The following AMMECR1 variants were observed in gnomAD, a reference collection of about 807,000 sequenced individuals.
AMMECR1 encodes AMMECR nuclear protein 1.
Under a neutral mutation model 22.5 loss-of-function variants are expected in AMMECR1, and 3 were observed. The ratio of observed to expected loss-of-function variants is 0.13; its 90% CI spans 0.06 to 0.35. AMMECR1 has a LOEUF of 0.35. Ranked by LOEUF, AMMECR1 falls within the 10% of genes least tolerant of loss-of-function variation. The pLI is 1.00. For synonymous variants in AMMECR1, 130 were observed against 116.7 expected, an observed-to-expected ratio of 1.11 and a Z score of -0.74; for missense variants, 235 against 278.7, an observed-to-expected ratio of 0.84 and a Z score of 1.12.
intron 1 of AMMECR1, among the ~76,000 whole-genome samples, chrX:110,270,383 G>C (rs1198789140): frequency 9.0e-6 from 1 of 111,652 alleles, no homozygotes; most frequent in Non-Finnish European, 1.9e-5. Context: ...AACAAAAAGA[G>C]ATCCAGGCAG....
chrX:110,339,416 A>C (rs1289317877), intron 2 of AMMECR1, among the ~76,000 whole-genome samples: 43 of 108,628 alleles, frequency 4.0e-4, no homozygotes, highest in Non-Finnish European at 6.3e-4. Flanking sequence ...AAAAAAAAAA[A>C]AAAAAAAAAC....
chrX:110,307,655 T>TA (rs1429620699), intron 1 of AMMECR1, among the ~76,000 whole-genome samples: 1 of 110,650 alleles, frequency 9.0e-6, no homozygotes, highest in Non-Finnish European at 1.9e-5. Context: ...TAAGTAAGGA[T>TA]AATTACAGGA....
At chrX:110,229,417 A>G (rs1412545714) in intron 2 of AMMECR1, among the ~76,000 whole-genome samples, 2 of 112,447 alleles carry the variant, frequency 1.8e-5, no homozygotes, top group Non-Finnish European at 3.7e-5. Context: ...AAAAGCTTCA[A>G]AATGTGCTGC....
At chrX:110,275,491 T>C (rs962768457) in intron 1 of AMMECR1, among the ~76,000 whole-genome samples, 11 of 111,017 alleles carry the variant, frequency 9.9e-5, no homozygotes, top group African/African-American at 3.3e-4. Flanking sequence ...CTTTTTTTCC[T>C]AGTGGCTTTC....
At chrX:110,415,450 T>C (rs2068670413) in intron 2 of AMMECR1, among the ~76,000 whole-genome samples, 1 of 111,942 alleles carries the variant, frequency 8.9e-6, no homozygotes, top group Admixed American at 9.5e-5. Context: ...AAATGTTCTT[T>C]AGTGCTGCTT....
At chrX:110,222,159 C>T (rs1332456457) in intron 2 of AMMECR1, among the ~76,000 whole-genome samples, 19 of 91,276 alleles carry the variant, frequency 2.1e-4, no homozygotes, top group East Asian at 7.0e-4. Flanking sequence ...ATGTTTATTG[C>T]GGCATTATTC....
chrX:110,212,147 A>G (rs2067450842), intron 3 of AMMECR1, among the ~76,000 whole-genome samples: 1 of 112,054 alleles, frequency 8.9e-6, no homozygotes, highest in Non-Finnish European at 1.9e-5. Flanking sequence ...AATTAGAGAC[A>G]TGTTATCAGA....
At position 110,244,606 on chromosome X, in the gene AMMECR1, A is replaced by G. The variant is rs1391907345; in HGVS notation, c.584+19883T>C. On this transcript the variant is annotated intron_variant, in intron 2 of 5. Transcript: ENST00000262844. ...CATCTAATGCAGTTATTTTGTGTAC[A>G]TGCCAATTTCCCTCAAAAGACATCA... Among the ~76,000 whole-genome samples, 3 of 111,974 alleles carry G rather than the reference A, an allele frequency of 2.7e-5. No individual in the cohort carries two copies. In the Admixed American group the frequency reaches 2.9e-4, roughly 11 times the overall value.
At chrX:110,410,168 A>G (rs1243479309) in intron 2 of AMMECR1, among the ~76,000 whole-genome samples, 2 of 111,468 alleles carry the variant, frequency 1.8e-5, no homozygotes, top group Non-Finnish European at 3.8e-5. Flanking sequence ...AGAGCAAGTC[A>G]TGGCAGAGTT....
At chrX:110,207,972 AAAAC>A (rs766743221) in intron 3 of AMMECR1, among the ~76,000 whole-genome samples, 6 of 111,618 alleles carry the variant, frequency 5.4e-5, no homozygotes, top group Admixed American at 9.5e-5. Flanking sequence ...CTGTCTCTAA[AAAAC>A]AAACAAACAA....
chrX:110,258,355 T>C (rs1203543033), intron 2 of AMMECR1, among the ~76,000 whole-genome samples: 2 of 111,391 alleles, frequency 1.8e-5, no homozygotes, highest in Non-Finnish European at 3.8e-5. Context: ...AACGAAGGAG[T>C]GCATTAACCT....
chrX:110,281,644 C>A (rs920451377), intron 1 of AMMECR1, among the ~76,000 whole-genome samples: 1 of 111,810 alleles, frequency 8.9e-6, no homozygotes, highest in Non-Finnish European at 1.9e-5. Flanking sequence ...GATCTTAGTT[C>A]AAATAATGGA....
At chrX:110,378,008 CAAAAAAAA>C (rs755483656) in intron 2 of AMMECR1, among the ~76,000 whole-genome samples, 1 of 30,961 alleles carries the variant, frequency 3.2e-5, no homozygotes, top group Admixed American at 3.6e-4. Context: ...GACTCCGTCT[CAAAAAAAA>C]AAAAAAAAAA....
chrX:110,268,505 G>C (rs187180081), intron 1 of AMMECR1, among the ~76,000 whole-genome samples: 2 of 112,057 alleles, frequency 1.8e-5, no homozygotes, highest in South Asian at 3.7e-4. Context: ...ATAAGAATCC[G>C]GGAAGTTAAG....
chrX:110,340,079 C>G (rs1041891944), intron 2 of AMMECR1, among the ~76,000 whole-genome samples: 1 of 108,765 alleles, frequency 9.2e-6, no homozygotes, highest in Admixed American at 9.9e-5. Context: ...AATCCTGGCT[C>G]CACTACTTAC....
intron 2 of AMMECR1, among the ~76,000 whole-genome samples, chrX:110,227,626 A>G (rs5942907): frequency 0.082 from 9,181 of 111,617 alleles, 344 homozygotes; most frequent in African/African-American, 0.12. Flanking sequence ...AAAGAATAGT[A>G]AAAGGTCACA....
intron 2 of AMMECR1, among the ~76,000 whole-genome samples, chrX:110,353,263 C>G (rs954851352): frequency 6.4e-5 from 7 of 108,914 alleles, no homozygotes; most frequent in Non-Finnish European, 3.9e-5. Flanking sequence ...AAAAAACCAA[C>G]TTTCAGTTTT....
chrX:110,353,353 G>GT (rs1434374886), intron 2 of AMMECR1, among the ~76,000 whole-genome samples: 1 of 107,424 alleles, frequency 9.3e-6, no homozygotes, highest in African/African-American at 3.4e-5. Flanking sequence ...CTTCTGCTAA[G>GT]TTTGGGCTTA....
At chrX:110,284,246 A>G (rs970432780) in intron 1 of AMMECR1, among the ~76,000 whole-genome samples, 5 of 112,049 alleles carry the variant, frequency 4.5e-5, no homozygotes, top group African/African-American at 9.7e-5. Flanking sequence ...CAGAGGGGGG[A>G]AAAAAAGAGT....
Sources: allele counts gnomAD v4.1 joint callset (sites outside exome capture counted in the v4.1 genomes callset), GRCh38; gene constraint gnomAD v4.1.1; transcripts MANE v1.5; gene names NCBI Gene and HGNC (gene_info 2026-07-23, HGNC 2026-07-21).